The following PLXNA1 variants were observed in gnomAD, a reference collection of about 807,000 sequenced individuals.
PLXNA1 encodes the protein plexin A1.
Under a neutral mutation model 191.7 loss-of-function variants are expected in PLXNA1, and 77 were observed. That is an observed-to-expected ratio of 0.40 (90% confidence interval 0.33 to 0.49). The LOEUF (loss-of-function observed/expected upper bound fraction) is 0.49, where lower values mean the gene tolerates loss of function less well. Among genes scored for constraint, PLXNA1 ranks in the 20% least tolerant of loss-of-function variants. The pLI is 0.63. For synonymous variants in PLXNA1, 1,137 were observed against 1,156.4 expected, an observed-to-expected ratio of 0.98 and a Z score of 0.34; for missense variants, 2,110 against 2,660.2, an observed-to-expected ratio of 0.79 and a Z score of 4.55.
chr3:126,994,910 C>T (rs2079007768), intron 3 of PLXNA1, among the ~76,000 whole-genome samples: 1 of 152,132 alleles, frequency 6.6e-6, no homozygotes, highest in Non-Finnish European at 1.5e-5. Flanking sequence ...CCTGGCTGTG[C>T]TCTCAGAGCA....
Position 127,004,876 on chromosome 3 carries a change from T to C in PLXNA1, c.1620-9T>C. ...CCCATCCGCCCAGCCTCAACCCCTCTGCCTGCAGCTGCTCGCGGCGGGACG... is the reference window on the plus strand; with the variant it reads ...CCCATCCGCCCAGCCTCAACCCCTCCGCCTGCAGCTGCTCGCGGCGGGACG... On this transcript the variant is annotated splice_polypyrimidine_tract_variant and intron_variant, in intron 5 of 31. Coordinates refer to ENST00000393409, the MANE Select transcript of PLXNA1 (RefSeq NM_032242.4). 1 of 1,582,194 alleles carries C rather than the reference T, an allele frequency of 6.3e-7. No individual in the cohort carries two copies. The highest frequency in any genetic ancestry group is 8.6e-7 in the Non-Finnish European group (1 of 1,162,032).
intron 8 of PLXNA1, among the ~76,000 whole-genome samples, chr3:127,006,465 A>G (rs922226476): frequency 4.5e-4 from 68 of 152,236 alleles, no homozygotes; most frequent in African/African-American, 1.6e-3. Context: ...AGTGGGCGGC[A>G]GTGCCTGCCC....
chr3:127,033,949 C>G lies in PLXNA1; in HGVS notation c.5623C>G (p.Gln1875Glu). The G allele has an allele frequency of 6.2e-7, 1 of 1,605,484 alleles. No individual in the cohort carries two copies. The highest frequency in any genetic ancestry group is 8.5e-7 in the Non-Finnish European group (1 of 1,177,268). The change falls in exon 32 of 32, where the codon CAG becomes GAG. Residue 1875 changes from glutamine to glutamate, a missense_variant. By Grantham distance (29) the Gln-to-Glu change is conservative (BLOSUM62 2). This residue lies in a region of PLXNA1 where 559 missense variants were observed against 911.5 expected (regional missense o/e 0.61). Coordinates refer to ENST00000393409, the MANE Select transcript of PLXNA1 (RefSeq NM_032242.4). ...CCTGGCAGCCCTGGAGAAGGATGAGCAGGCGCGGCGGCAGCGGCTGCGGAG... is the reference window on the plus strand; with the variant it reads ...CCTGGCAGCCCTGGAGAAGGATGAGGAGGCGCGGCGGCAGCGGCTGCGGAG... ...EILAALEKDE[Q>E]ARRQRLRSKL...
intron 14 of PLXNA1, 113 bp from the exon 15 acceptor site, chr3:127,015,071 G>T: frequency 6.9e-7 from 1 of 1,457,690 alleles, no homozygotes. Flanking sequence ...CGGGCATGCG[G>T]GCTCCTAGTC....
intron 19 of PLXNA1, 59 bp from the exon 20 acceptor site, chr3:127,018,235 G>C: frequency 6.9e-7 from 1 of 1,444,352 alleles, no homozygotes; most frequent in Non-Finnish European, 9.4e-7. Flanking sequence ...CATCGGGAGG[G>C]GCTCCCAAGC....
intron 9 of PLXNA1, among the ~76,000 whole-genome samples, chr3:127,010,630 C>T (rs925226519): frequency 1.3e-5 from 2 of 152,018 alleles, no homozygotes; most frequent in Admixed American, 6.5e-5. Flanking sequence ...GGCCTTGATG[C>T]GTGCTGGGCC....
At chr3:127,027,570 A>C in intron 23 of PLXNA1, 1 of 423,480 alleles carries the variant, frequency 2.4e-6, no homozygotes, top group Non-Finnish European at 4.7e-6. Flanking sequence ...GGCCCCTGGG[A>C]GGCTGGAGCT....
intron 22 of PLXNA1, 82 bp downstream of exon 22, chr3:127,022,423 C>A: frequency 2.0e-6 from 3 of 1,523,962 alleles, no homozygotes; most frequent in Non-Finnish European, 2.7e-6. Flanking sequence ...GGCCCAGAGA[C>A]GTTGCTGTGG....
chr3:126,996,991 C>T (rs1000120171), intron 3 of PLXNA1, among the ~76,000 whole-genome samples: 1 of 152,198 alleles, frequency 6.6e-6, no homozygotes, highest in Admixed American at 6.5e-5. Context: ...GCAGCCCCTC[C>T]TGGTCCTTCC....
chr3:127,001,008 C>T (rs896959983), intron 3 of PLXNA1, among the ~76,000 whole-genome samples: 1 of 152,028 alleles, frequency 6.6e-6, no homozygotes, highest in Non-Finnish European at 1.5e-5. Flanking sequence ...GGGTACATGG[C>T]GGATGGACAG....
Position 127,032,676 on chromosome 3 carries a change from T to A in PLXNA1, c.5445-10T>A, listed in dbSNP as rs892163214. 77 of 1,612,434 alleles carry A rather than the reference T, an allele frequency of 4.8e-5. No homozygotes were observed. Among genetic ancestry groups the A allele is most frequent in the Non-Finnish European group, 6.4e-5 (75 of 1,179,552 alleles). ...TCTGCTCATGTGCCCACCTGGCCAC[T>A]CACCTGCAGGTACTATGCAGACATC... On this transcript the variant is annotated splice_polypyrimidine_tract_variant and intron_variant, in intron 30 of 31. Transcript: ENST00000393409.
chr3:127,029,990 C>T lies in PLXNA1; in HGVS notation c.4987C>T (p.Leu1663=), dbSNP rs1390498094. The T allele has an allele frequency of 2.5e-6, 4 of 1,613,666 alleles. No individual in the cohort carries two copies. Among genetic ancestry groups the T allele is most frequent in the Non-Finnish European group, 3.4e-6 (4 of 1,179,976 alleles). ...LWHLVKNHDH[L]DQREGDRGSK... ...GCACCTGGTGAAGAACCACGACCAC[C>T]TGGACCAGCGTGAGGGTGACCGCGG... The change falls in exon 28 of 32, where the codon CTG becomes TTG. Residue 1663 remains leucine, a synonymous_variant. Coordinates refer to ENST00000393409, the MANE Select transcript of PLXNA1 (RefSeq NM_032242.4).
At chr3:127,031,042 C>G (rs1252382980) in intron 29 of PLXNA1, among the ~76,000 whole-genome samples, 1 of 152,190 alleles carries the variant, frequency 6.6e-6, no homozygotes, top group African/African-American at 2.4e-5. Flanking sequence ...GTATCTGCCT[C>G]CCTGGCCAGC....
chr3:127,011,526 A>C (rs1168943771), intron 9 of PLXNA1, among the ~76,000 whole-genome samples: 2 of 152,250 alleles, frequency 1.3e-5, no homozygotes, highest in East Asian at 1.9e-4. Context: ...CAAGGAAGCC[A>C]GGCCATTGCA....
chr3:126,995,927 T>G (rs1460924052), intron 3 of PLXNA1, among the ~76,000 whole-genome samples: 3 of 152,140 alleles, frequency 2.0e-5, no homozygotes, highest in Non-Finnish European at 4.4e-5. Flanking sequence ...TCACAGCATC[T>G]CCCTGTGGCG....
At chr3:126,993,951 C>T (rs987359587) in intron 3 of PLXNA1, among the ~76,000 whole-genome samples, 8 of 152,220 alleles carry the variant, frequency 5.3e-5, no homozygotes, top group African/African-American at 1.9e-4. Flanking sequence ...TGGGTCCCAG[C>T]CCTCTCCTTG....
intron 3 of PLXNA1, among the ~76,000 whole-genome samples, chr3:127,002,976 C>T (rs1044558466): frequency 6.6e-6 from 1 of 152,198 alleles, no homozygotes; most frequent in African/African-American, 2.4e-5. Flanking sequence ...GATGGCTAGG[C>T]ACCCGTGGGA....
At chr3:127,028,803 A>G in intron 25 of PLXNA1, 190 bp from the exon 26 acceptor site, 2 of 593,072 alleles carry the variant, frequency 3.4e-6, no homozygotes, top group East Asian at 2.8e-5. Context: ...CTGCTGTGGC[A>G]GATTGGGAGG....
In PLXNA1 at chr3:127,028,031, G is replaced by A. The variant is rs777712821; in HGVS notation, c.4454G>A (p.Arg1485His). 3.7e-6 allele frequency: 6 copies of A among 1,613,946 alleles called. No homozygotes were observed. Among genetic ancestry groups the A allele is most frequent in the Admixed American group, 3.3e-5 (2 of 60,004 alleles). Reference sequence around the variant, plus strand: ...ATTGACGCCATCACGGGTGAGGCACGCTACTCCCTGAGTGAGGACAAGCTC... The same window carrying A: ...ATTGACGCCATCACGGGTGAGGCACACTACTCCCTGAGTGAGGACAAGCTC... ...GPIDAITGEA[R>H]YSLSEDKLIR... The change falls in exon 24 of 32, where the codon CGC becomes CAC. Residue 1485 changes from arginine (R) to histidine (H), a missense_variant. By Grantham distance (29) the Arg-to-His change is conservative (BLOSUM62 0). Around this residue, in one of 4 missense-constraint regions of PLXNA1, gnomAD observed 559 missense variants for 911.5 expected, o/e 0.61. Coordinates refer to ENST00000393409, the MANE Select transcript of PLXNA1 (RefSeq NM_032242.4).
Sources: gnomAD v4.1 joint callset for allele counts (sites outside exome capture counted in the v4.1 genomes callset) on GRCh38, gnomAD v4.1.1 for gene constraint, gnomAD v4.1.1 regional missense constraint, MANE v1.5 for transcripts, NCBI Gene and HGNC (gene_info 2026-07-23, HGNC 2026-07-21) for gene names.